Variants in RER1 observed in about 807,000 individuals in gnomAD.
RER1 encodes retention in endoplasmic reticulum sorting receptor 1, also known as protein RER1.
Under a neutral mutation model 28.3 loss-of-function variants are expected in RER1, and 6 were observed. That is an observed-to-expected ratio of 0.21 (90% CI 0.12 to 0.42). RER1 has a LOEUF of 0.42. Ranked by LOEUF, RER1 falls within the 10% of genes least tolerant of loss-of-function variation. The pLI is 1.00. For missense variants in RER1, 159 were observed against 252.9 expected, an observed-to-expected ratio of 0.63 and a Z score of 2.52; for synonymous variants, 110 against 95.9, an observed-to-expected ratio of 1.15 and a Z score of -0.86.
chr1:2,402,382 T>C (rs759481161), intron 6 of RER1, 40 bp downstream of exon 6: 2 of 1,612,970 alleles, frequency 1.2e-6, no homozygotes, highest in Non-Finnish European at 1.7e-6. Flanking sequence ...CCGCAATCGC[T>C]GTTCTGTTAC....
chr1:2,397,112 C>A lies in RER1; in HGVS notation c.82-4C>A, dbSNP rs1210708650. Reference sequence around the variant, plus strand: ...TTCATGCTTTTGGACTCTTGTCTTTCTAGATTTATCAGTCCTGGCTAGACA... The same window carrying A: ...TTCATGCTTTTGGACTCTTGTCTTTATAGATTTATCAGTCCTGGCTAGACA... On this transcript the variant is annotated splice_region_variant and splice_polypyrimidine_tract_variant and intron_variant, in intron 2 of 6. Coordinates refer to ENST00000605895, the MANE Select transcript of RER1 (RefSeq NM_007033.5). The A allele has an allele frequency of 1.9e-6, 3 of 1,599,852 alleles. No individual in the cohort carries two copies. Among genetic ancestry groups the A allele is most frequent in the Middle Eastern group, 1.7e-4 (1 of 6,028 alleles).
chr1:2,398,937 T>C (rs951031249), intron 3 of RER1, among the ~76,000 whole-genome samples: 3 of 152,204 alleles, frequency 2.0e-5, no homozygotes, highest in Non-Finnish European at 2.9e-5. Context: ...GTGAATTGTC[T>C]GTTGGAGGAA....
Position 2,399,451 on chromosome 1 carries a change from C to T in RER1, c.223C>T (p.His75Tyr), listed in dbSNP as rs1385067322. The stretch of plus-strand genomic sequence containing the variant: ...TGTGACCTATGCCTTGGGGATCTAC[C>T]ATCTAAATCTTTTCATAGCTTTTCT... ...YIVTYALGIYHLNLFIAFLSP... is the reference protein window; with the variant it reads ...YIVTYALGIYYLNLFIAFLSP... Residue 75 changes from histidine to tyrosine, a missense_variant, in exon 4 of 7, where the codon CAT becomes TAT. His to Tyr is a moderately conservative substitution (Grantham distance 83). Transcript: ENST00000605895. 1.9e-6 allele frequency: 3 copies of T among 1,612,462 alleles called. No individual in the cohort carries two copies. In the African/African-American group the frequency reaches 4.0e-5, roughly 22 times the overall value.
chr1:2,401,518 C>A (rs994150134), intron 5 of RER1, among the ~76,000 whole-genome samples: 1 of 149,534 alleles, frequency 6.7e-6, no homozygotes, highest in Non-Finnish European at 1.5e-5. Flanking sequence ...CCGAGGTGTC[C>A]GTGTCTGCAC....
rs543893862 is a variant in RER1 at position 2,393,760 on chromosome 1, C to T, written c.-8+1802C>T. On this transcript the variant is annotated intron_variant, in intron 1 of 6. Coordinates refer to ENST00000605895, the MANE Select transcript of RER1 (RefSeq NM_007033.5). ...TCACGTTCTTGCTCCTGCCGCCCTG[C>T]CTCAGGCTATTCCTGGCAATGCGTT... 1.7e-4 allele frequency among the ~76,000 whole-genome samples: 26 copies of T among 152,302 alleles called. No homozygotes were observed. In the East Asian group the frequency reaches 4.4e-3, roughly 26 times the overall value.
chr1:2,402,677 G>A (rs1268829332), intron 6 of RER1, among the ~76,000 whole-genome samples: 3 of 152,242 alleles, frequency 2.0e-5, no homozygotes, highest in Admixed American at 6.5e-5. Flanking sequence ...AGGGTGTTAG[G>A]GGGAAGTTAG....
At chr1:2,392,814 G>C (rs1642704753) in intron 1 of RER1, among the ~76,000 whole-genome samples, 1 of 152,228 alleles carries the variant, frequency 6.6e-6, no homozygotes, top group African/African-American at 2.4e-5. Flanking sequence ...TCAGAGCCAG[G>C]TGGAGATATA....
At position 2,402,991 on chromosome 1, in the gene RER1, G is replaced by A. The variant is rs184089658; in HGVS notation, c.502-44G>A. On this transcript the variant is annotated intron_variant, in intron 6 of 6. Coordinates refer to ENST00000605895, the MANE Select transcript of RER1 (RefSeq NM_007033.5). ...AGATTTGGGGACAGTGTGACTGACT[G>A]GAGAGCGGTTGTGCAGTAACTGAGT... 6.8e-4 allele frequency: 1,031 copies of A among 1,517,610 alleles called. 1 individual carries two copies. Among genetic ancestry groups the A allele is most frequent in the Non-Finnish European group, 8.5e-4 (929 of 1,095,228 alleles). The allele number at this position is 1,517,610 out of a possible 1,614,324, so 94.0% of individuals were successfully genotyped here. A position where few individuals can be genotyped will look rare whatever the true frequency, so the allele number is the denominator to read the frequency against.
At chr1:2,402,401 T>C (rs1016222877) in intron 6 of RER1, 59 bp downstream of exon 6, 86 of 1,608,300 alleles carry the variant, frequency 5.3e-5, no homozygotes, top group East Asian at 1.1e-4. Context: ...ACCCGCAGCA[T>C]TGGGGGAGCT....
intron 3 of RER1, among the ~76,000 whole-genome samples, chr1:2,398,029 A>C (rs1426788692): frequency 6.6e-6 from 1 of 152,204 alleles, no homozygotes; most frequent in Non-Finnish European, 1.5e-5. Flanking sequence ...CCATTCTCTG[A>C]TGGAAAGAAT....
rs529930172 is a variant in RER1, at chr1:2,403,743, A to G, written c.*619A>G. 4 of 152,752 alleles carry G rather than the reference A, an allele frequency of 2.6e-5. No homozygotes were observed. The highest frequency in any genetic ancestry group is 9.6e-5 in the African/African-American group (4 of 41,578). The allele number at this position is 152,752 out of a possible 1,614,324, so 9.5% of individuals were successfully genotyped here. ...GGGCCCGGAATTATAAATATATATT[A>G]TATTTTAATTGTTTGAGATTATTTT... On this transcript the variant is annotated 3_prime_UTR_variant, in exon 7 of 7. Transcript: ENST00000605895.
At chr1:2,395,256 C>T (rs1015836361) in intron 1 of RER1, 1 of 160,430 alleles carries the variant, frequency 6.2e-6, no homozygotes. Flanking sequence ...GGATGGACTA[C>T]CTGAGAGTTG....
chr1:2,399,113 C>T (rs914886889), intron 3 of RER1, among the ~76,000 whole-genome samples: 1 of 152,192 alleles, frequency 6.6e-6, no homozygotes, highest in Non-Finnish European at 1.5e-5. Flanking sequence ...TTTTCTGCTG[C>T]GCTCCTTGTG....
At position 2,405,295 on chromosome 1, in the gene RER1, T is replaced by C; in HGVS notation, c.*2171T>C. 6.5e-6 allele frequency: 2 copies of C among 308,486 alleles called. No homozygotes were observed. Among genetic ancestry groups the C allele is most frequent in the South Asian group, 5.6e-5 (2 of 35,700 alleles). The allele number at this position is 308,486 out of a possible 1,614,324, so 19.1% of individuals were successfully genotyped here. A position where few individuals can be genotyped will look rare whatever the true frequency, so the allele number is the denominator to read the frequency against. On this transcript the variant is annotated 3_prime_UTR_variant, in exon 7 of 7. Coordinates refer to ENST00000605895, the MANE Select transcript of RER1 (RefSeq NM_007033.5). ...CTCCCATGGGGCCGTGGGGCTGCTGTTCTCACTGCACTGGCTGAAGCAACC... is the reference window on the plus strand; with the variant it reads ...CTCCCATGGGGCCGTGGGGCTGCTGCTCTCACTGCACTGGCTGAAGCAACC...
At chr1:2,402,716 T>G (rs1334917688) in intron 6 of RER1, among the ~76,000 whole-genome samples, 2 of 152,216 alleles carry the variant, frequency 1.3e-5, no homozygotes, top group African/African-American at 2.4e-5. Flanking sequence ...CCCTTGACGG[T>G]GTGGCCTTCG....
chr1:2,396,498 C>G (rs965447199), intron 2 of RER1: 2 of 152,336 alleles, frequency 1.3e-5, no homozygotes, highest in African/African-American at 4.8e-5. Context: ...CTTCTATAAT[C>G]TTTTTACTTT....
intron 3 of RER1, among the ~76,000 whole-genome samples, chr1:2,398,105 A>G (rs1198155929): frequency 6.6e-6 from 1 of 152,240 alleles, no homozygotes; most frequent in Non-Finnish European, 1.5e-5. Context: ...CAGCACCCAC[A>G]GGTCAGTTTT....
intron 2 of RER1, 110 bp downstream of exon 2, chr1:2,395,981 G>C: frequency 3.5e-6 from 3 of 850,988 alleles, no homozygotes; most frequent in Non-Finnish European, 6.0e-6. Context: ...AAGTTACTTC[G>C]CCTCAGGCTC....
In RER1 at chr1:2,402,199, A is replaced by G. The variant is rs934056253; in HGVS notation, c.366-8A>G. On this transcript the variant is annotated splice_polypyrimidine_tract_variant and splice_region_variant and intron_variant, in intron 5 of 6. Transcript: ENST00000605895. ...GATGCGGCGCTAACCTTCTCTCCCC[A>G]CTTGAAGGCATGCGGCTACCAAGGG... 5.0e-6 allele frequency: 8 copies of G among 1,613,978 alleles called. No individual in the cohort carries two copies. Among genetic ancestry groups the G allele is most frequent in the Middle Eastern group, 1.6e-4 (1 of 6,084 alleles).
Sources: allele counts gnomAD v4.1 joint callset (sites outside exome capture counted in the v4.1 genomes callset), GRCh38; gene constraint gnomAD v4.1.1; transcripts MANE v1.5; gene names NCBI Gene and HGNC (gene_info 2026-07-23, HGNC 2026-07-21).